ZBTB38: variants seen among roughly 807,000 people sequenced by gnomAD.
The protein encoded by ZBTB38 is zinc finger and BTB domain-containing protein 38.
A neutral mutation model predicts 76.8 loss-of-function variants in ZBTB38; 20 were observed. That is an observed-to-expected ratio of 0.26 (90% confidence interval 0.18 to 0.38). ZBTB38 has a LOEUF of 0.38. ZBTB38 is among the 10% of genes least tolerant of loss of function. The pLI is 1.00. For missense variants in ZBTB38, 1,082 were observed against 1,482.3 expected, an observed-to-expected ratio of 0.73 and a Z score of 4.43; for synonymous variants, 504 against 544.2, an observed-to-expected ratio of 0.93 and a Z score of 1.03.
chr3:141,346,782 T>G lies in ZBTB38; in HGVS notation c.-738-21839T>G, dbSNP rs199867378. 4.2e-5 allele frequency among the ~76,000 whole-genome samples: 6 copies of G among 144,562 alleles called. 1 individual carries two copies. The highest frequency in any genetic ancestry group is 6.9e-5 in the Admixed American group (1 of 14,410). The allele number at this position is 144,562 out of a possible 152,430, so 94.8% of individuals were successfully genotyped here. A position where few individuals can be genotyped will look rare whatever the true frequency, so the allele number is the denominator to read the frequency against. On this transcript the variant is annotated intron_variant, in intron 1 of 7. Transcript: ENST00000509842. ...ACTCTCCGAGGTTTTTTGTTTTGTT[T>G]TGTGTGTGTGTGTGTGTGTGTGTGT...
chr3:141,390,745 T>C (rs1948617984), intron 4 of ZBTB38, among the ~76,000 whole-genome samples: 2 of 152,228 alleles, frequency 1.3e-5, no homozygotes, highest in Admixed American at 1.3e-4. Flanking sequence ...TTATTGAGCA[T>C]CTGCTACATG....
intron 3 of ZBTB38, among the ~76,000 whole-genome samples, chr3:141,383,299 A>G (rs1179271747): frequency 1.3e-5 from 2 of 152,334 alleles, no homozygotes; most frequent in Non-Finnish European, 2.9e-5. Flanking sequence ...CTATAGACAG[A>G]TGTAATAACC....
At position 141,449,412 on chromosome 3, in the gene ZBTB38, T is replaced by C. The variant is rs1304285053; in HGVS notation, c.*3436T>C. 2 of 152,190 alleles carry C rather than the reference T, an allele frequency of 1.3e-5. No homozygotes were observed. The highest frequency in any genetic ancestry group is 2.4e-5 in the African/African-American group (1 of 41,426). 9.4% of individuals were successfully genotyped at this position (152,190 alleles called of 1,614,324 possible). On this transcript the variant is annotated 3_prime_UTR_variant, in exon 6 of 6. Coordinates refer to ENST00000321464, the MANE Select transcript of ZBTB38 (RefSeq NM_001376113.1). ...AAATTTGTGCACTTTTTTAAGGATA[T>C]GGAGTAAAATTGTAATAGCATTATA...
At chr3:141,373,057 G>A (rs1187105390) in intron 2 of ZBTB38, among the ~76,000 whole-genome samples, 3 of 152,178 alleles carry the variant, frequency 2.0e-5, no homozygotes, top group Non-Finnish European at 4.4e-5. Flanking sequence ...TTTCACTACT[G>A]TCAACACTTT....
chr3:141,408,536 C>T (rs1955464849), intron 5 of ZBTB38, among the ~76,000 whole-genome samples: 1 of 151,390 alleles, frequency 6.6e-6, no homozygotes, highest in Non-Finnish European at 1.5e-5. Flanking sequence ...GATAGAGCAA[C>T]ACTCCATCTC....
At chr3:141,374,527 C>T (rs1409111751) in intron 2 of ZBTB38, among the ~76,000 whole-genome samples, 1 of 152,164 alleles carries the variant, frequency 6.6e-6, no homozygotes, top group African/African-American at 2.4e-5. Flanking sequence ...GACCCCTCAT[C>T]TTTGTCCAAA....
chr3:141,324,631 C>T (rs575480060), intron 1 of ZBTB38, among the ~76,000 whole-genome samples: 7 of 152,158 alleles, frequency 4.6e-5, no homozygotes, highest in Non-Finnish European at 8.8e-5. Flanking sequence ...GATTCCCCAG[C>T]ATCTAGCGTA....
chr3:141,366,394 A>T (rs1187816615), upstream of ZBTB38: 1 of 152,256 alleles, frequency 6.6e-6, no homozygotes, highest in African/African-American at 2.4e-5. Context: ...GAAGAAAAGA[A>T]TAAACAAGTC....
Position 141,444,352 on chromosome 3 carries a change from G to T in ZBTB38, c.1964G>T (p.Trp655Leu). ...ANVQNAEGTKWGEEALKMDLD... is the reference protein window; with the variant it reads ...ANVQNAEGTKLGEEALKMDLD... ...GTACAAAATGCAGAGGGTACCAAAT[G>T]GGGAGAGGAGGCATTGAAAATGGAT... is the stretch of plus-strand genomic sequence containing the variant. The change falls in exon 6 of 6, where the codon TGG (tryptophan) becomes TTG (leucine). Residue 655 changes from tryptophan to leucine, a missense_variant. Trp to Leu is a moderately conservative substitution (Grantham distance 61, BLOSUM62 -2). Around this residue, in one of 8 missense-constraint regions of ZBTB38, gnomAD observed 471 missense variants for 581.0 expected, o/e 0.81. Coordinates refer to ENST00000321464, the MANE Select transcript of ZBTB38 (RefSeq NM_001376113.1). The surrounding 1 kb of genome is among the most constrained non-coding windows in gnomAD (Gnocchi z 5.1). The T allele has an allele frequency of 6.2e-7, 1 of 1,614,164 alleles. No homozygotes were observed. The highest frequency in any genetic ancestry group is 8.5e-7 in the Non-Finnish European group (1 of 1,180,042).
intron 5 of ZBTB38, among the ~76,000 whole-genome samples, chr3:141,436,787 C>T (rs948483540): frequency 2.0e-5 from 3 of 152,164 alleles, no homozygotes; most frequent in East Asian, 1.9e-4. Context: ...CATGAGCCAC[C>T]GCGCCCAGCC....
intron 4 of ZBTB38, among the ~76,000 whole-genome samples, chr3:141,391,664 A>G (rs1196410054): frequency 1.3e-5 from 2 of 152,230 alleles, no homozygotes; most frequent in African/African-American, 2.4e-5. Flanking sequence ...GAGTAGAGAA[A>G]TTTCTGAGAA....
intron 1 of ZBTB38, among the ~76,000 whole-genome samples, chr3:141,344,017 C>T (rs930574373): frequency 6.6e-6 from 1 of 152,170 alleles, no homozygotes; most frequent in East Asian, 1.9e-4. Context: ...AGCACAAAAT[C>T]GATTCCATGT....
intron 5 of ZBTB38, among the ~76,000 whole-genome samples, chr3:141,423,407 A>C (rs1233689134): frequency 1.3e-5 from 2 of 152,224 alleles, no homozygotes; most frequent in Non-Finnish European, 2.9e-5. Context: ...TATCTCATTT[A>C]ATCCTTATAA....
intron 1 of ZBTB38, among the ~76,000 whole-genome samples, chr3:141,360,135 C>T (rs1013883867): frequency 6.6e-6 from 1 of 152,182 alleles, no homozygotes; most frequent in Non-Finnish European, 1.5e-5. Flanking sequence ...TAATCCTGAA[C>T]CAAGCTCTCT....
At chr3:141,336,717 G>T (rs755195155) in intron 1 of ZBTB38, among the ~76,000 whole-genome samples, 38 of 152,088 alleles carry the variant, frequency 2.5e-4, no homozygotes, top group Non-Finnish European at 3.7e-4. Flanking sequence ...CTAGGGCCAC[G>T]GTCGGCCTCT....
At chr3:141,376,914 G>A (rs1238988560) in intron 2 of ZBTB38, among the ~76,000 whole-genome samples, 4 of 152,188 alleles carry the variant, frequency 2.6e-5, no homozygotes, top group Admixed American at 2.0e-4. Flanking sequence ...TGCTACTGGT[G>A]GTCCCACCCT....
Position 141,444,884 on chromosome 3 carries a change from T to C in ZBTB38, c.2496T>C (p.Asn832=), listed in dbSNP as rs1310933534. The C allele has an allele frequency of 1.9e-6, 3 of 1,614,076 alleles. No individual in the cohort carries two copies. The highest frequency in any genetic ancestry group is 1.1e-5 in the South Asian group (1 of 91,066). Residue 832 remains asparagine (N), a synonymous_variant, in exon 6 of 6, where the codon AAT becomes AAC. Coordinates refer to ENST00000321464, the MANE Select transcript of ZBTB38 (RefSeq NM_001376113.1). This position sits in a 1 kb window ranked among gnomAD's most constrained non-coding sequence, Gnocchi z 5.1. ...PALPGTSTNS[N]VAPLCQITVK... The stretch of plus-strand genomic sequence containing the variant: ...TGCCGGGAACCTCCACAAATAGTAA[T>C]GTTGCACCCCTTTGCCAAATAACAG...
chr3:141,409,903 G>T (rs966135835), intron 5 of ZBTB38, among the ~76,000 whole-genome samples: 5 of 152,196 alleles, frequency 3.3e-5, no homozygotes, highest in African/African-American at 1.2e-4. Context: ...TCTACAGGGG[G>T]CTAGGAAAAT....
At chr3:141,404,930 C>T (rs1345293137) in intron 5 of ZBTB38, among the ~76,000 whole-genome samples, 1 of 152,224 alleles carries the variant, frequency 6.6e-6, no homozygotes, top group African/African-American at 2.4e-5. Flanking sequence ...CCTGCTTCTC[C>T]AGCAGTTGCA....
Sources: allele counts gnomAD v4.1 joint callset (sites outside exome capture counted in the v4.1 genomes callset), GRCh38; gene constraint gnomAD v4.1.1; regional missense constraint gnomAD v4.1.1; non-coding constraint Gnocchi (gnomAD v3.1); transcripts MANE v1.5; gene names NCBI Gene and HGNC (gene_info 2026-07-23, HGNC 2026-07-21).